FGF1: variants seen among roughly 807,000 people sequenced by gnomAD.
FGF1 encodes beta-endothelial cell growth factor.
Under a neutral mutation model 13.4 loss-of-function variants are expected in FGF1, and 9 were observed. That is an observed-to-expected ratio of 0.67 (90% CI 0.40 to 1.17). FGF1 has a LOEUF of 1.17. FGF1 is among the 50% of genes most tolerant of loss of function. The probability of loss-of-function intolerance (pLI) is 0.01; values close to 1 mark genes in which losing one functional copy is unlikely to be tolerated. For synonymous variants in FGF1, 93 were observed against 79.0 expected, an observed-to-expected ratio of 1.18 and a Z score of -0.94; for missense variants, 156 against 192.7, an observed-to-expected ratio of 0.81 and a Z score of 1.13.
chr5:142,634,444 C>T (rs1423602481), intron 1 of FGF1, among the ~76,000 whole-genome samples: 1 of 152,204 alleles, frequency 6.6e-6, no homozygotes, highest in Non-Finnish European at 1.5e-5. Context: ...ACTTAGCATT[C>T]CAAACGGTAT....
intron 1 of FGF1, chr5:142,643,973 C>G (rs1765600438): frequency 6.6e-6 from 1 of 152,252 alleles, no homozygotes; most frequent in Admixed American, 6.5e-5. Context: ...CCCCAAACAT[C>G]TTTTCCAATT....
intron 2 of FGF1, among the ~76,000 whole-genome samples, chr5:142,613,014 G>C (rs1477122831): frequency 6.6e-6 from 1 of 152,182 alleles, no homozygotes; most frequent in African/African-American, 2.4e-5. Flanking sequence ...CTTCCTTCCT[G>C]CCTGTCTTCT....
chr5:142,597,673 A>C (rs1755594379), intron 3 of FGF1, among the ~76,000 whole-genome samples: 1 of 152,226 alleles, frequency 6.6e-6, no homozygotes, highest in African/African-American at 2.4e-5. Context: ...TGACCCCTGC[A>C]GTCTCTCTTC....
chr5:142,599,261 C>A (rs1259451959), intron 3 of FGF1, among the ~76,000 whole-genome samples: 1 of 152,212 alleles, frequency 6.6e-6, no homozygotes, highest in African/African-American at 2.4e-5. Flanking sequence ...TACTGCCAAA[C>A]CCCTTAAAGC....
chr5:142,666,485 T>G (rs1214852693), intron 1 of FGF1, among the ~76,000 whole-genome samples: 2 of 152,134 alleles, frequency 1.3e-5, no homozygotes, highest in Non-Finnish European at 2.9e-5. Flanking sequence ...ATCCCAACAT[T>G]TACTTATTCA....
At chr5:142,605,538 A>G (rs1401291093) in intron 2 of FGF1, among the ~76,000 whole-genome samples, 3 of 152,062 alleles carry the variant, frequency 2.0e-5, no homozygotes, top group African/African-American at 7.3e-5. Flanking sequence ...CCATCTGTGG[A>G]GTTCCATCAT....
chr5:142,653,785 G>A (rs558491557), intron 1 of FGF1, among the ~76,000 whole-genome samples: 16 of 152,290 alleles, frequency 1.1e-4, no homozygotes, highest in African/African-American at 3.8e-4. Flanking sequence ...CAGACCATGA[G>A]GGCAGAGGCT....
At chr5:142,665,249 A>G (rs1385313778) in intron 1 of FGF1, among the ~76,000 whole-genome samples, 1 of 151,990 alleles carries the variant, frequency 6.6e-6, no homozygotes, top group Non-Finnish European at 1.5e-5. Flanking sequence ...TCAAGACAAC[A>G]CAAGTGCTCT....
chr5:142,633,192 A>G (rs1179874876), intron 1 of FGF1, among the ~76,000 whole-genome samples: 1 of 152,042 alleles, frequency 6.6e-6, no homozygotes, highest in African/African-American at 2.4e-5. Context: ...GTACTGGGAT[A>G]GGTTGTTTAC....
intron 1 of FGF1, among the ~76,000 whole-genome samples, chr5:142,647,247 A>AC (rs1213507391): frequency 6.6e-6 from 1 of 152,258 alleles, no homozygotes. Flanking sequence ...ACCAGGAAAG[A>AC]CTGAAGTTAA....
intron 1 of FGF1, among the ~76,000 whole-genome samples, chr5:142,619,758 G>A (rs533198646): frequency 2.6e-4 from 40 of 151,992 alleles, no homozygotes; most frequent in African/African-American, 5.1e-4. Flanking sequence ...GCTTGAACCC[G>A]GGAGGCGGAG....
At position 142,594,015 on chromosome 5, in the gene FGF1, A is replaced by G. The variant is rs1483827492; in HGVS notation, c.*1275T>C. Reference sequence around the variant, plus strand: ...TGTATATCTTCGAAATGGGCATTTTATAGGCATTGGGCCAAAGCCTCTTAA... The same window carrying G: ...TGTATATCTTCGAAATGGGCATTTTGTAGGCATTGGGCCAAAGCCTCTTAA... On this transcript the variant is annotated 3_prime_UTR_variant, in exon 4 of 4. Coordinates refer to ENST00000337706, the MANE Select transcript of FGF1 (RefSeq NM_000800.5). 1 of 152,654 alleles carries G rather than the reference A, an allele frequency of 6.6e-6. No individual in the cohort carries two copies. The highest frequency in any genetic ancestry group is 1.5e-5 in the Non-Finnish European group (1 of 68,046). The allele number at this position is 152,654 out of a possible 1,614,324, so 9.5% of individuals were successfully genotyped here. A position where few individuals can be genotyped will look rare whatever the true frequency, so the allele number is the denominator to read the frequency against.
chr5:142,646,643 G>A (rs999069390), intron 1 of FGF1, among the ~76,000 whole-genome samples: 3 of 152,026 alleles, frequency 2.0e-5, no homozygotes, highest in East Asian at 1.9e-4. Context: ...GAGCCACTGC[G>A]CCTGGCCCCG....
chr5:142,667,827 T>C (rs981840461), intron 1 of FGF1, among the ~76,000 whole-genome samples: 7 of 152,226 alleles, frequency 4.6e-5, no homozygotes, highest in African/African-American at 1.4e-4. Context: ...GTCTTGTTCA[T>C]GCCCTGGAAA....
chr5:142,626,579 G>A (rs952425818), intron 1 of FGF1, among the ~76,000 whole-genome samples: 11 of 152,144 alleles, frequency 7.2e-5, no homozygotes, highest in Admixed American at 2.6e-4. Context: ...ACCAGCCCCC[G>A]GAACGTGTAC....
At chr5:142,676,884 T>C (rs755214321) in intron 1 of FGF1, among the ~76,000 whole-genome samples, 5 of 151,674 alleles carry the variant, frequency 3.3e-5, no homozygotes, top group African/African-American at 7.3e-5. Flanking sequence ...TTTAGAAAGA[T>C]CCCCATTTTT....
chr5:142,635,732 G>A (rs1210709163), intron 1 of FGF1, among the ~76,000 whole-genome samples: 2 of 152,206 alleles, frequency 1.3e-5, no homozygotes, highest in Admixed American at 6.5e-5. Context: ...GACTTGCTGG[G>A]CTGAGTCGGG....
chr5:142,633,553 G>A (rs1763714277), intron 1 of FGF1, among the ~76,000 whole-genome samples: 1 of 152,188 alleles, frequency 6.6e-6, no homozygotes, highest in Admixed American at 6.5e-5. Flanking sequence ...TAGCATTCAT[G>A]GAATTTCCCT....
intron 2 of FGF1, among the ~76,000 whole-genome samples, chr5:142,603,798 A>C (rs890334011): frequency 6.6e-6 from 1 of 152,234 alleles, no homozygotes; most frequent in African/African-American, 2.4e-5. Flanking sequence ...GCTAGGCTGC[A>C]TAGCCTCTTA....
Sources: allele counts gnomAD v4.1 joint callset (sites outside exome capture counted in the v4.1 genomes callset), GRCh38; gene constraint gnomAD v4.1.1; transcripts MANE v1.5; gene names NCBI Gene and HGNC (gene_info 2026-07-23, HGNC 2026-07-21).